PPP2R2C: variants seen among roughly 807,000 people sequenced by gnomAD.
PPP2R2C encodes protein phosphatase 2 regulatory subunit Bgamma, also known as protein phosphatase 2, regulatory subunit B, gamma.
A neutral mutation model predicts 45.3 loss-of-function variants in PPP2R2C; 10 were observed. The observed-to-expected ratio is 0.22, with a 90% CI of 0.14 to 0.37. The LOEUF (loss-of-function observed/expected upper bound fraction) is 0.37, where lower values mean the gene tolerates loss of function less well. PPP2R2C is among the 10% of genes least tolerant of loss of function. PPP2R2C has a pLI of 1.00. For synonymous variants in PPP2R2C, 257 were observed against 245.4 expected (o/e 1.05, Z -0.44); for missense variants, 308 against 619.7 (o/e 0.50, Z 5.34).
intron 1 of PPP2R2C, among the ~76,000 whole-genome samples, chr4:6,398,769 A>G (rs1577146880): frequency 6.6e-6 from 1 of 152,234 alleles, no homozygotes; most frequent in East Asian, 1.9e-4. Context: ...GAAAGCTCAC[A>G]AACTCACAAA....
chr4:6,521,361 C>T (rs1013017438), intron 2 of PPP2R2C, among the ~76,000 whole-genome samples: 19 of 152,226 alleles, frequency 1.2e-4, no homozygotes, highest in Non-Finnish European at 2.6e-4. Context: ...CAACTGCCTC[C>T]AGGATCTTCT....
chr4:6,468,722 G>A (rs1437071704), intron 1 of PPP2R2C, among the ~76,000 whole-genome samples: 2 of 152,132 alleles, frequency 1.3e-5, no homozygotes, highest in African/African-American at 4.8e-5. Flanking sequence ...CTAAGCAAAG[G>A]AAGGATGGAT....
intron 5 of PPP2R2C, among the ~76,000 whole-genome samples, chr4:6,358,628 G>A (rs550256421): frequency 8.9e-6 from 1 of 112,430 alleles, no homozygotes; most frequent in South Asian, 4.1e-4. Flanking sequence ...AATCTACAAA[G>A]AACTTAAACA....
rs747403297 is a variant in PPP2R2C at position 6,384,693 on chromosome 4, A to C, written c.71-3599T>G. ...ATGCTGGGTGGTTACCAGGCAACAC[A>C]CACTAATGTCTGTGGGCAATTTACA... On this transcript the variant is annotated intron_variant, in intron 1 of 8. Coordinates refer to ENST00000382599, the MANE Select transcript of PPP2R2C (RefSeq NM_020416.4). The C allele has an allele frequency of 1.0e-5, 10 of 985,456 alleles. 1 individual carries two copies. The highest frequency in any genetic ancestry group is 1.2e-5 in the Non-Finnish European group (10 of 829,928). 61.0% of individuals were successfully genotyped at this position (985,456 alleles called of 1,614,324 possible). A position where few individuals can be genotyped will look rare whatever the true frequency, so the allele number is the denominator to read the frequency against.
chr4:6,454,792 T>G (rs1204086522), intron 1 of PPP2R2C, among the ~76,000 whole-genome samples: 1 of 152,214 alleles, frequency 6.6e-6, no homozygotes, highest in Admixed American at 6.5e-5. Flanking sequence ...CGTCCTGATG[T>G]GCAAACGCGA....
chr4:6,362,486 C>T (rs1322609954), intron 5 of PPP2R2C, among the ~76,000 whole-genome samples: 1 of 152,212 alleles, frequency 6.6e-6, no homozygotes, highest in South Asian at 2.1e-4. Context: ...GACAGCCATG[C>T]TCATAGCAAA....
At chr4:6,421,262 C>T in intron 1 of PPP2R2C, 1 of 433,914 alleles carries the variant, frequency 2.3e-6, no homozygotes, top group Non-Finnish European at 3.1e-6. Flanking sequence ...CATGGTCGCA[C>T]TGGCTGGCCC....
chr4:6,452,716 C>A (rs1227698454), intron 1 of PPP2R2C, among the ~76,000 whole-genome samples: 1 of 152,244 alleles, frequency 6.6e-6, no homozygotes, highest in Non-Finnish European at 1.5e-5. Flanking sequence ...ACCTGCTGAG[C>A]TGGTGCTATC....
At chr4:6,432,064 C>A in intron 1 of PPP2R2C, among the ~76,000 whole-genome samples, 1 of 152,172 alleles carries the variant, frequency 6.6e-6, no homozygotes, top group East Asian at 1.9e-4. Flanking sequence ...CACCTCTTAA[C>A]GCATCACCTT....
chr4:6,378,672 C>T lies in PPP2R2C; in HGVS notation c.169-100G>A, dbSNP rs528653033. On this transcript the variant is annotated intron_variant, in intron 2 of 8. Transcript: ENST00000382599. This position sits in a 1 kb window ranked among gnomAD's most constrained non-coding sequence, Gnocchi z 5.2. ...CAGGGCCGGCCGTGGGACCAAGTGC[C>T]GAGCCGTGCCAGGGATCCAATTCGA... 4.3e-5 allele frequency: 55 copies of T among 1,277,004 alleles called. No homozygotes were observed. In the East Asian group the frequency reaches 1.0e-3, roughly 24 times the overall value. The allele number at this position is 1,277,004 out of a possible 1,614,324, so 79.1% of individuals were successfully genotyped here. A position where few individuals can be genotyped will look rare whatever the true frequency, so the allele number is the denominator to read the frequency against.
intron 1 of PPP2R2C, among the ~76,000 whole-genome samples, chr4:6,550,803 G>A (rs114642769): frequency 0.02 from 2,974 of 152,222 alleles, 102 homozygotes; most frequent in African/African-American, 0.068. Context: ...AGGCCACCAT[G>A]CCCAGCTAAT....
At chr4:6,347,812 G>C in intron 6 of PPP2R2C, 34 bp downstream of exon 6, 2 of 1,110,522 alleles carry the variant, frequency 1.8e-6, no homozygotes, top group South Asian at 1.3e-5. Context: ...CCTGCCCAAT[G>C]CACAGCCCCC....
At chr4:6,347,797 G>T (rs201011458) in intron 6 of PPP2R2C, 49 bp downstream of exon 6, 2 of 603,152 alleles carry the variant, frequency 3.3e-6, no homozygotes, top group Non-Finnish European at 2.4e-6. Context: ...CATCCCACCC[G>T]CCCGCCTGCC....
intron 1 of PPP2R2C, among the ~76,000 whole-genome samples, chr4:6,536,026 A>C (rs1724600700): frequency 6.6e-6 from 1 of 150,968 alleles, no homozygotes; most frequent in South Asian, 2.1e-4. Flanking sequence ...CACCACCCCC[A>C]CCCCTGACAG....
chr4:6,350,389 C>T (rs1251068602), intron 5 of PPP2R2C: 33 of 985,260 alleles, frequency 3.3e-5, no homozygotes, highest in South Asian at 1.4e-4. Flanking sequence ...CACATTAGTG[C>T]GACGGCCCAT....
chr4:6,390,549 C>A (rs985910255), intron 1 of PPP2R2C, among the ~76,000 whole-genome samples: 1 of 152,176 alleles, frequency 6.6e-6, no homozygotes, highest in African/African-American at 2.4e-5. Flanking sequence ...CGCCGGGCGG[C>A]GGGCGCATGG....
chr4:6,456,847 G>A (rs1577197516), intron 1 of PPP2R2C, among the ~76,000 whole-genome samples: 1 of 152,232 alleles, frequency 6.6e-6, no homozygotes, highest in African/African-American at 2.4e-5. Context: ...GGGCCCATGC[G>A]GTGACCACTC....
At chr4:6,553,557 A>T (rs945899931) in intron 1 of PPP2R2C, among the ~76,000 whole-genome samples, 2 of 152,192 alleles carry the variant, frequency 1.3e-5, no homozygotes, top group Non-Finnish European at 2.9e-5. Flanking sequence ...CCTTCATTCA[A>T]GGTGGCCAGG....
intron 1 of PPP2R2C, chr4:6,535,493 C>A: frequency 1.5e-6 from 1 of 681,192 alleles, no homozygotes; most frequent in Non-Finnish European, 2.4e-6. Context: ...GGCCGCCGCC[C>A]GGCACAGCTC....
Sources: gnomAD v4.1 joint callset for allele counts (sites outside exome capture counted in the v4.1 genomes callset) on GRCh38, gnomAD v4.1.1 for gene constraint, Gnocchi (gnomAD v3.1) non-coding constraint, MANE v1.5 for transcripts, NCBI Gene and HGNC (gene_info 2026-07-23, HGNC 2026-07-21) for gene names.